Variants in STON2 observed in about 807,000 individuals in gnomAD.
STON2 encodes stonin-2.
In STON2, 29 loss-of-function variants were observed where a neutral mutation model predicts 65.7. The ratio of observed to expected loss-of-function variants is 0.44; its 90% CI spans 0.33 to 0.60. STON2 has a LOEUF of 0.60. Among genes scored for constraint, STON2 ranks in the 20% least tolerant of loss-of-function variants. STON2 has a pLI of 0.03. For synonymous variants in STON2, 404 were observed against 414.2 expected, an observed-to-expected ratio of 0.98 and a Z score of 0.30; for missense variants, 1,054 against 1,118.1, an observed-to-expected ratio of 0.94 and a Z score of 0.82.
Position 81,263,040 on chromosome 14 carries a change from G to A in STON2, c.*5374C>T. On this transcript the variant is annotated 3_prime_UTR_variant, in exon 8 of 8. Transcript: ENST00000614646. ...CTAATTTTATGTAAAGGGTCGTCAT[G>A]GTTTGAATGGGACTTAGTAGTAAAG... 1.0e-6 allele frequency: 1 copy of A among 985,356 alleles called. No individual in the cohort carries two copies. The highest frequency in any genetic ancestry group is 1.2e-6 in the Non-Finnish European group (1 of 829,900). 61.0% of individuals were successfully genotyped at this position (985,356 alleles called of 1,614,324 possible).
intron 3 of STON2, among the ~76,000 whole-genome samples, chr14:81,388,559 G>C (rs1427403035): frequency 2.0e-5 from 3 of 152,154 alleles, no homozygotes; most frequent in Non-Finnish European, 1.5e-5. Flanking sequence ...TCAAAAATAA[G>C]AGACGTACCA....
At chr14:81,433,537 C>T (rs954895092) in intron 1 of STON2, among the ~76,000 whole-genome samples, 3 of 152,222 alleles carry the variant, frequency 2.0e-5, no homozygotes, top group Admixed American at 2.0e-4. Context: ...CCTGCTCAGC[C>T]ATACCTTGCT....
chr14:81,398,468 G>T lies in STON2; in HGVS notation c.-86C>A. ...TGGGGTGGGCTGGAGTAGGGGTATG[G>T]TAGTACGGTAGACTTGGGTCCAGGG... On this transcript the variant is annotated 5_prime_UTR_variant, in exon 2 of 8. Coordinates refer to ENST00000614646, the MANE Select transcript of STON2 (RefSeq NM_001394390.1). The T allele has an allele frequency of 1.0e-6, 1 of 1,003,566 alleles. No individual in the cohort carries two copies. The highest frequency in any genetic ancestry group is 1.6e-6 in the Non-Finnish European group (1 of 639,538). The allele number at this position is 1,003,566 out of a possible 1,614,324, so 62.2% of individuals were successfully genotyped here. A position where few individuals can be genotyped will look rare whatever the true frequency, so the allele number is the denominator to read the frequency against.
In STON2 at chr14:81,263,225, T is replaced by A; in HGVS notation, c.*5189A>T. 1.1e-6 allele frequency: 1 copy of A among 937,236 alleles called. No individual in the cohort carries two copies. The highest frequency in any genetic ancestry group is 1.3e-6 in the Non-Finnish European group (1 of 786,148). The allele number at this position is 937,236 out of a possible 1,614,324, so 58.1% of individuals were successfully genotyped here. On this transcript the variant is annotated 3_prime_UTR_variant, in exon 8 of 8. Coordinates refer to ENST00000614646, the MANE Select transcript of STON2 (RefSeq NM_001394390.1). ...GTTTTGAATGTGGCCCAAGACAAAT[T>A]CGTAAACTTTCTTAAAACATTATGC... is the stretch of plus-strand genomic sequence containing the variant.
In STON2 at chr14:81,396,142, G is replaced by C; in HGVS notation, c.125C>G (p.Ser42Cys). ...GGAGGAGCTCTCGGACTGGTCTGGGGAAGATGACAGTCCTGGGAGGTGCTC... is the reference window on the plus strand; with the variant it reads ...GGAGGAGCTCTCGGACTGGTCTGGGCAAGATGACAGTCCTGGGAGGTGCTC... ...TEEHLPGLSS[S>C]PDQSESSSGE... Residue 42 changes from serine (S) to cysteine (C), a missense_variant, in exon 3 of 8, where the codon TCC (serine) becomes TGC (cysteine). Ser to Cys is a moderately radical substitution (Grantham distance 112). Transcript: ENST00000614646. The C allele has an allele frequency of 4.3e-6, 7 of 1,613,898 alleles. No homozygotes were observed. The highest frequency in any genetic ancestry group is 5.9e-6 in the Non-Finnish European group (7 of 1,179,924).
At chr14:81,301,315 C>T (rs547797315) in intron 5 of STON2, among the ~76,000 whole-genome samples, 2 of 152,314 alleles carry the variant, frequency 1.3e-5, no homozygotes, top group South Asian at 4.1e-4. Flanking sequence ...CTCAGTCCTT[C>T]CACACTACAC....
chr14:81,390,088 G>A (rs11625164), intron 3 of STON2, among the ~76,000 whole-genome samples: 770 of 32,440 alleles, frequency 0.024, 5 homozygotes, highest in Middle Eastern at 0.053. Flanking sequence ...GGCACACGCC[G>A]TAATCCCAGC....
Position 81,266,848 on chromosome 14 carries a change from A to C in STON2, c.*1566T>G, listed in dbSNP as rs902784229. 5.1e-6 allele frequency: 5 copies of C among 981,382 alleles called. No homozygotes were observed. Among genetic ancestry groups the C allele is most frequent in the Non-Finnish European group, 6.0e-6 (5 of 826,650 alleles). 60.8% of individuals were successfully genotyped at this position (981,382 alleles called of 1,614,324 possible). A position where few individuals can be genotyped will look rare whatever the true frequency, so the allele number is the denominator to read the frequency against. On this transcript the variant is annotated 3_prime_UTR_variant, in exon 8 of 8. Transcript: ENST00000614646. ...CACAAACACACACATCCACAAACACACACTCCACTCTGTACTTAGAGGGTT... is the reference window on the plus strand; with the variant it reads ...CACAAACACACACATCCACAAACACCCACTCCACTCTGTACTTAGAGGGTT...
At chr14:81,379,125 CA>C (rs762164293) in intron 3 of STON2, among the ~76,000 whole-genome samples, 4 of 152,034 alleles carry the variant, frequency 2.6e-5, no homozygotes, top group African/African-American at 4.8e-5. Flanking sequence ...GTAAAATAAC[CA>C]AAAGACTTTA....
In STON2 at chr14:81,261,264, C is replaced by T. The variant is rs1894131172; in HGVS notation, c.*7150G>A. Reference sequence around the variant, plus strand: ...CAAAGCACATGGAGGCGCAACAGTGCTTAAGGCTTCAGTCATGGTGTGGGG... The same window carrying T: ...CAAAGCACATGGAGGCGCAACAGTGTTTAAGGCTTCAGTCATGGTGTGGGG... On this transcript the variant is annotated 3_prime_UTR_variant, in exon 8 of 8. Coordinates refer to ENST00000614646, the MANE Select transcript of STON2 (RefSeq NM_001394390.1). The T allele has an allele frequency of 6.6e-6, 1 of 152,242 alleles. No individual in the cohort carries two copies. Among genetic ancestry groups the T allele is most frequent in the Admixed American group, 6.5e-5 (1 of 15,278 alleles). The allele number at this position is 152,242 out of a possible 1,614,324, so 9.4% of individuals were successfully genotyped here.
intron 5 of STON2, among the ~76,000 whole-genome samples, chr14:81,289,094 CA>C (rs1895453011): frequency 6.6e-6 from 1 of 152,156 alleles, no homozygotes; most frequent in Non-Finnish European, 1.5e-5. Context: ...AGGATGCTTG[CA>C]AGATCCAAGA....
At chr14:81,436,250 G>T (rs1292800199) in intron 1 of STON2, 1 of 149,860 alleles carries the variant, frequency 6.7e-6, no homozygotes, top group African/African-American at 2.5e-5. Context: ...CCCGCCCCCC[G>T]CCCGCTCCAC....
chr14:81,333,076 T>C (rs1897264393), intron 4 of STON2: 1 of 777,454 alleles, frequency 1.3e-6, no homozygotes, highest in Non-Finnish European at 2.2e-6. Context: ...ATACAGACCA[T>C]GTCTTACAAG....
chr14:81,390,064 T>C (rs1900004799), intron 3 of STON2, among the ~76,000 whole-genome samples: 1 of 138,606 alleles, frequency 7.2e-6, no homozygotes, highest in Non-Finnish European at 1.5e-5. Flanking sequence ...ATACAAAAAT[T>C]AGCTGGATGT....
In STON2 at chr14:81,261,721, G is replaced by C. The variant is rs1010590864; in HGVS notation, c.*6693C>G. 2 of 1,418,276 alleles carry C rather than the reference G, an allele frequency of 1.4e-6. No individual in the cohort carries two copies. Among genetic ancestry groups the C allele is most frequent in the African/African-American group, 2.9e-5 (2 of 69,760 alleles). The allele number at this position is 1,418,276 out of a possible 1,614,324, so 87.9% of individuals were successfully genotyped here. ...TACTTGGAGGGTTAGACCTACTTCT[G>C]TGTCAGGTAGCACCCAAATCCTAAC... is the stretch of plus-strand genomic sequence containing the variant. On this transcript the variant is annotated 3_prime_UTR_variant, in exon 8 of 8. Transcript: ENST00000614646.
intron 4 of STON2, among the ~76,000 whole-genome samples, chr14:81,329,348 G>C (rs1897118552): frequency 6.6e-6 from 1 of 151,924 alleles, no homozygotes; most frequent in South Asian, 2.1e-4. Flanking sequence ...CCAGCTACTG[G>C]GGAGGCTGAG....
intron 2 of STON2, 60 bp from the exon 3 acceptor site, chr14:81,396,238 A>C: frequency 4.5e-5 from 68 of 1,515,722 alleles, no homozygotes; most frequent in Non-Finnish European, 5.3e-5. Flanking sequence ...GAGCCATCTC[A>C]TGGAGGCAAA....
rs182619057 is a variant in STON2 at position 81,413,623 on chromosome 14, G to A, written c.-199+13479C>T. On this transcript the variant is annotated intron_variant, in intron 2 of 8. Coordinates refer to the STON2 transcript ENST00000553821. Reference sequence around the variant, plus strand: ...AGCCTGACCAACATGGTGAAACCCCGTCTCTATTAAAAATACAAAAAAATT... The same window carrying A: ...AGCCTGACCAACATGGTGAAACCCCATCTCTATTAAAAATACAAAAAAATT... Among the ~76,000 whole-genome samples the A allele has an allele frequency of 1.0e-3, 139 of 138,110 alleles. 35 individuals carry two copies. The highest frequency in any genetic ancestry group is 4.0e-3 in the African/African-American group (132 of 33,304). 90.6% of individuals were successfully genotyped at this position (138,110 alleles called of 152,430 possible).
intron 5 of STON2, among the ~76,000 whole-genome samples, chr14:81,314,519 C>T (rs567268153): frequency 1.3e-5 from 2 of 152,200 alleles, no homozygotes; most frequent in African/African-American, 2.4e-5. Context: ...CCTGCCAGCA[C>T]GCAAAGTGAA....
Sources: gnomAD v4.1 joint callset for allele counts (sites outside exome capture counted in the v4.1 genomes callset) on GRCh38, gnomAD v4.1.1 for gene constraint, MANE v1.5 for transcripts, NCBI Gene and HGNC (gene_info 2026-07-23, HGNC 2026-07-21) for gene names.